Variants in PTPRJ observed in about 807,000 individuals in gnomAD.
PTPRJ encodes the protein protein tyrosine phosphatase receptor type J.
A neutral mutation model predicts 141.3 loss-of-function variants in PTPRJ; 129 were observed. That is an observed-to-expected ratio of 0.91 (90% CI 0.79 to 1.06). The LOEUF (loss-of-function observed/expected upper bound fraction) is 1.06. PTPRJ is among the 50% of genes least tolerant of loss of function. The pLI, the probability that PTPRJ is intolerant of heterozygous loss-of-function variation, is 0.00. For missense variants in PTPRJ, 1,601 were observed against 1,679.7 expected (o/e 0.95, Z 0.82); for synonymous variants, 610 against 640.5 (o/e 0.95, Z 0.72).
intron 10 of PTPRJ, 47 bp downstream of exon 10, chr11:48,137,328 T>G: frequency 6.3e-7 from 1 of 1,578,426 alleles, no homozygotes; most frequent in African/African-American, 1.3e-5. Flanking sequence ...TGAGTGGTGC[T>G]GACCTTGCAG....
chr11:48,052,676 C>T (rs564516599), intron 1 of PTPRJ, among the ~76,000 whole-genome samples: 28 of 152,094 alleles, frequency 1.8e-4, no homozygotes, highest in Non-Finnish European at 1.2e-4. Context: ...GACAGATAAA[C>T]GCAGGGTACA....
intron 1 of PTPRJ, among the ~76,000 whole-genome samples, chr11:48,092,312 A>AG (rs1487703828): frequency 4.0e-5 from 6 of 148,794 alleles, no homozygotes; most frequent in Non-Finnish European, 8.9e-5. Context: ...AAAAAAAAAA[A>AG]AAAAAGAAAA....
chr11:48,129,222 G>C (rs1211085759), intron 7 of PTPRJ, among the ~76,000 whole-genome samples: 1 of 152,194 alleles, frequency 6.6e-6, no homozygotes, highest in Non-Finnish European at 1.5e-5. Flanking sequence ...GTTTGCTAGG[G>C]CTACCAGAAC....
chr11:48,121,193 A>C lies in PTPRJ; in HGVS notation c.543A>C (p.Ser181=). Residue 181 remains serine (S), a synonymous_variant, in exon 4 of 25, where the codon TCA becomes TCC. Transcript: ENST00000418331. The part of the protein sequence containing the change: ...CNITGLRPAT[S]YVFSITPGIG... Reference sequence around the variant, plus strand: ...TCACAGGCTTACGTCCAGCGACTTCATATGTATTCTCCATCACTCCAGGAA... The same window carrying C: ...TCACAGGCTTACGTCCAGCGACTTCCTATGTATTCTCCATCACTCCAGGAA... 6.2e-7 allele frequency: 1 copy of C among 1,614,130 alleles called. No individual in the cohort carries two copies. Among genetic ancestry groups the C allele is most frequent in the Non-Finnish European group, 8.5e-7 (1 of 1,179,968 alleles).
At chr11:48,138,531 C>T (rs1387263510) in intron 10 of PTPRJ, among the ~76,000 whole-genome samples, 1 of 152,116 alleles carries the variant, frequency 6.6e-6, no homozygotes, top group Non-Finnish European at 1.5e-5. Flanking sequence ...TAATACTGTC[C>T]TCCAGTTGTA....
At chr11:48,088,695 T>C (rs1855778522) in intron 1 of PTPRJ, among the ~76,000 whole-genome samples, 1 of 152,148 alleles carries the variant, frequency 6.6e-6, no homozygotes, top group Non-Finnish European at 1.5e-5. Flanking sequence ...TTACTCTCCA[T>C]GTTACTTGAG....
At chr11:48,034,710 A>G (rs949948776) in intron 1 of PTPRJ, among the ~76,000 whole-genome samples, 1 of 152,204 alleles carries the variant, frequency 6.6e-6, no homozygotes, top group Non-Finnish European at 1.5e-5. Context: ...AGGTCACCCA[A>G]CTAACAAGCA....
intron 1 of PTPRJ, among the ~76,000 whole-genome samples, chr11:48,063,492 T>C (rs1854997097): frequency 6.6e-6 from 1 of 152,212 alleles, no homozygotes; most frequent in Non-Finnish European, 1.5e-5. Context: ...AATGAATGAA[T>C]GAAAGGTAAT....
At chr11:48,000,982 ATTTTTTTTTTT>A (rs1002159076) in intron 1 of PTPRJ, among the ~76,000 whole-genome samples, 1 of 122,882 alleles carries the variant, frequency 8.1e-6, no homozygotes, top group Non-Finnish European at 1.7e-5. Context: ...GTCCCATATA[ATTTTTTTTTTT>A]TTTTTTTTTT....
At chr11:48,034,701 G>T (rs1449398080) in intron 1 of PTPRJ, among the ~76,000 whole-genome samples, 1 of 152,144 alleles carries the variant, frequency 6.6e-6, no homozygotes, top group Non-Finnish European at 1.5e-5. Flanking sequence ...AGTTAAATAA[G>T]GTCACCCAAC....
At chr11:48,061,601 A>T (rs138441019) in intron 1 of PTPRJ, among the ~76,000 whole-genome samples, 79 of 152,268 alleles carry the variant, frequency 5.2e-4, no homozygotes, top group African/African-American at 1.9e-3. Context: ...CAGGCCACAC[A>T]CTAAGTACAG....
chr11:48,123,580 G>C, intron 4 of PTPRJ, 33 bp from the exon 5 acceptor site: 2 of 1,599,904 alleles, frequency 1.3e-6, no homozygotes, highest in South Asian at 1.1e-5. Context: ...CATATATCTT[G>C]TTCCATTAAT....
chr11:48,016,324 G>C (rs552520184), intron 1 of PTPRJ, among the ~76,000 whole-genome samples: 1 of 152,218 alleles, frequency 6.6e-6, no homozygotes, highest in Non-Finnish European at 1.5e-5. Context: ...TAGTAGCCCA[G>C]GGTAGAAAAG....
chr11:48,139,834 A>G, intron 11 of PTPRJ, 58 bp downstream of exon 11: 1 of 1,565,632 alleles, frequency 6.4e-7, no homozygotes. Context: ...GGAGCGGCTG[A>G]CCCACAGTGG....
intron 1 of PTPRJ, among the ~76,000 whole-genome samples, chr11:48,037,752 G>A (rs1418481029): frequency 6.6e-6 from 1 of 152,130 alleles, no homozygotes; most frequent in African/African-American, 2.4e-5. Context: ...GGCAGAGGTT[G>A]CAGTGAGCCA....
At chr11:48,088,787 G>T (rs1855780809) in intron 1 of PTPRJ, among the ~76,000 whole-genome samples, 1 of 152,124 alleles carries the variant, frequency 6.6e-6, no homozygotes, top group African/African-American at 2.4e-5. Flanking sequence ...TGTGCACAAG[G>T]CTGTCTCCTT....
At chr11:47,998,031 C>T (rs190038365) in intron 1 of PTPRJ, among the ~76,000 whole-genome samples, 8 of 152,146 alleles carry the variant, frequency 5.3e-5, no homozygotes, top group African/African-American at 1.7e-4. Flanking sequence ...GGGATGTGCA[C>T]ACAACCTATC....
intron 3 of PTPRJ, among the ~76,000 whole-genome samples, chr11:48,120,282 G>A (rs958602438): frequency 6.6e-6 from 1 of 152,138 alleles, no homozygotes; most frequent in Non-Finnish European, 1.5e-5. Flanking sequence ...TTCTCTTTAC[G>A]CTGCTCTGTC....
chr11:47,999,784 A>T (rs1854439705), intron 1 of PTPRJ, among the ~76,000 whole-genome samples: 1 of 152,080 alleles, frequency 6.6e-6, no homozygotes, highest in Non-Finnish European at 1.5e-5. Context: ...GCACAAGGAG[A>T]AGGAAAACTA....
Sources: gnomAD v4.1 joint callset for allele counts (sites outside exome capture counted in the v4.1 genomes callset) on GRCh38, gnomAD v4.1.1 for gene constraint, MANE v1.5 for transcripts, NCBI Gene and HGNC (gene_info 2026-07-23, HGNC 2026-07-21) for gene names.